The following CHST9 variants were observed in gnomAD, a reference collection of about 807,000 sequenced individuals.
The protein encoded by CHST9 is carbohydrate sulfotransferase 9, also known as GalNAc-4-sulfotransferase 2.
CHST9 carries 41 observed loss-of-function variants against 44.4 expected under a neutral mutation model. The ratio of observed to expected loss-of-function variants is 0.92; its 90% CI spans 0.72 to 1.20. CHST9 has a LOEUF of 1.20. CHST9 is among the 50% of genes most tolerant of loss of function. The probability of loss-of-function intolerance (pLI) is 0.00; values close to 1 mark genes in which losing one functional copy is unlikely to be tolerated. For synonymous variants in CHST9, 171 were observed against 178.4 expected, an observed-to-expected ratio of 0.96 and a Z score of 0.33; for missense variants, 504 against 516.5, an observed-to-expected ratio of 0.98 and a Z score of 0.23.
At chr18:27,142,349 T>A (rs765664635) in intron 2 of CHST9, among the ~76,000 whole-genome samples, 1 of 152,212 alleles carries the variant, frequency 6.6e-6, no homozygotes, top group Non-Finnish European at 1.5e-5. Context: ...TTCAGGGCCT[T>A]TTAGGCTTAT....
chr18:27,037,306 A>G (rs1252518510), intron 3 of CHST9, among the ~76,000 whole-genome samples: 1 of 152,150 alleles, frequency 6.6e-6, no homozygotes, highest in Non-Finnish European at 1.5e-5. Flanking sequence ...TGAATTTGAT[A>G]ATTTACTAGT....
At chr18:26,935,969 C>A (rs185632984) in intron 5 of CHST9, 1 of 152,314 alleles carries the variant, frequency 6.6e-6, no homozygotes, top group East Asian at 1.9e-4. Flanking sequence ...TAGTGACTTT[C>A]TATCTCTAGT....
chr18:26,984,789 T>TA (rs2145197309), intron 4 of CHST9, among the ~76,000 whole-genome samples: 1 of 134,030 alleles, frequency 7.5e-6, no homozygotes, highest in South Asian at 2.4e-4. Context: ...ATGAGGAAAA[T>TA]AAAAAAGTCT....
chr18:26,998,892 G>A (rs1319584564), intron 4 of CHST9, among the ~76,000 whole-genome samples: 1 of 152,126 alleles, frequency 6.6e-6, no homozygotes, highest in East Asian at 1.9e-4. Context: ...AAGGACCTTT[G>A]AGGCCACGCT....
chr18:27,115,072 C>T (rs759604002), intron 2 of CHST9, among the ~76,000 whole-genome samples: 1 of 152,120 alleles, frequency 6.6e-6, no homozygotes, highest in African/African-American at 2.4e-5. Flanking sequence ...CTCTGTCCTG[C>T]TGTGCTGTGA....
At chr18:27,126,423 A>C (rs78797737) in intron 2 of CHST9, among the ~76,000 whole-genome samples, 1 of 152,148 alleles carries the variant, frequency 6.6e-6, no homozygotes, top group Non-Finnish European at 1.5e-5. Flanking sequence ...ATTAAACAAC[A>C]CTTTAAATCT....
At chr18:27,181,090 G>A (rs1345823966) in intron 1 of CHST9, among the ~76,000 whole-genome samples, 1 of 152,070 alleles carries the variant, frequency 6.6e-6, no homozygotes, top group African/African-American at 2.4e-5. Flanking sequence ...TTCCATAAAA[G>A]TTACAGTTTG....
intron 2 of CHST9, among the ~76,000 whole-genome samples, chr18:27,058,239 G>C (rs549964275): frequency 1.4e-4 from 21 of 152,296 alleles, no homozygotes; most frequent in African/African-American, 5.1e-4. Context: ...CGTGTTTCTA[G>C]TAAGTTAGGT....
chr18:27,070,315 C>T (rs903651836), intron 2 of CHST9, among the ~76,000 whole-genome samples: 1 of 152,218 alleles, frequency 6.6e-6, no homozygotes, highest in African/African-American at 2.4e-5. Context: ...ACCAGAGGCC[C>T]TACATTTTTA....
At chr18:27,053,776 C>T (rs2057617049) in intron 2 of CHST9, among the ~76,000 whole-genome samples, 1 of 152,136 alleles carries the variant, frequency 6.6e-6, no homozygotes, top group African/African-American at 2.4e-5. Flanking sequence ...CCCCAGTTCC[C>T]CATTCATGCT....
chr18:27,007,600 T>G (rs2057032119), intron 4 of CHST9, among the ~76,000 whole-genome samples: 1 of 151,974 alleles, frequency 6.6e-6, no homozygotes, highest in Non-Finnish European at 1.5e-5. Context: ...TGAGTAAAAT[T>G]CCAATAGAAG....
intron 2 of CHST9, among the ~76,000 whole-genome samples, chr18:27,121,764 C>T (rs1051981091): frequency 1.3e-5 from 2 of 152,084 alleles, no homozygotes; most frequent in African/African-American, 4.8e-5. Context: ...CATTGTTGGC[C>T]CTCTGGATCT....
chr18:27,047,685 G>T (rs1409174695), intron 3 of CHST9, among the ~76,000 whole-genome samples: 1 of 152,050 alleles, frequency 6.6e-6, no homozygotes, highest in Non-Finnish European at 1.5e-5. Context: ...GGATGGGAGT[G>T]ATTGGTAGCT....
chr18:27,010,487 C>A (rs2057070357), intron 4 of CHST9, among the ~76,000 whole-genome samples: 1 of 152,154 alleles, frequency 6.6e-6, no homozygotes, highest in African/African-American at 2.4e-5. Flanking sequence ...AGAGACAGGG[C>A]AAGTGCAATG....
chr18:27,097,173 C>T (rs1194049643), intron 2 of CHST9, among the ~76,000 whole-genome samples: 1 of 151,930 alleles, frequency 6.6e-6, no homozygotes, highest in Non-Finnish European at 1.5e-5. Context: ...AAACAAAAAC[C>T]ATATGATCAT....
intron 2 of CHST9, among the ~76,000 whole-genome samples, chr18:27,093,420 C>T (rs901892440): frequency 7.9e-5 from 12 of 152,330 alleles, no homozygotes; most frequent in East Asian, 3.9e-4. Flanking sequence ...GCTTCCTGGA[C>T]GCTTTGTTTA....
chr18:27,177,856 T>C (rs1398662257), intron 1 of CHST9, among the ~76,000 whole-genome samples: 2 of 152,076 alleles, frequency 1.3e-5, no homozygotes, highest in Middle Eastern at 3.4e-3. Context: ...CTCTATTCCA[T>C]ACAAAAATAA....
At chr18:27,185,050 G>C (rs1246144500) in intron 1 of CHST9, 86 bp downstream of exon 1, 1 of 152,338 alleles carries the variant, frequency 6.6e-6, no homozygotes, top group East Asian at 1.9e-4. Context: ...ACCAGAGCCC[G>C]CTCCCGGCGC....
intron 2 of CHST9, among the ~76,000 whole-genome samples, chr18:27,126,906 G>A (rs560788857): frequency 8.5e-5 from 13 of 152,272 alleles, no homozygotes; most frequent in African/African-American, 2.9e-4. Context: ...GAGAGAAGTA[G>A]ACACACTTGG....
Sources: allele counts gnomAD v4.1 joint callset (sites outside exome capture counted in the v4.1 genomes callset), GRCh38; gene constraint gnomAD v4.1.1; transcripts MANE v1.5; gene names NCBI Gene and HGNC (gene_info 2026-07-23, HGNC 2026-07-21).